DRGX: variants seen among roughly 807,000 people sequenced by gnomAD.
The protein encoded by DRGX is dorsal root ganglia homeobox.
Under a neutral mutation model 28.6 loss-of-function variants are expected in DRGX, and 21 were observed. The observed-to-expected ratio is 0.73, with a 90% CI of 0.52 to 1.06. The LOEUF (loss-of-function observed/expected upper bound fraction) is 1.06, where lower values mean the gene tolerates loss of function less well. Among genes scored for constraint, DRGX ranks in the 50% least tolerant of loss-of-function variants. The pLI, the probability that DRGX is intolerant of heterozygous loss-of-function variation, is 0.00. For missense variants in DRGX, 354 were observed against 343.9 expected (o/e 1.03, Z -0.23); for synonymous variants, 136 against 139.1 (o/e 0.98, Z 0.16).
chr10:49,382,780 T>C (rs925936984), intron 6 of DRGX, among the ~76,000 whole-genome samples: 1 of 152,190 alleles, frequency 6.6e-6, no homozygotes, highest in African/African-American at 2.4e-5. Flanking sequence ...GCTTTGCCTA[T>C]GCCATTCCCT....
intron 4 of DRGX, 27 bp from the exon 5 acceptor site, chr10:49,386,885 C>T: frequency 6.6e-7 from 1 of 1,517,298 alleles, no homozygotes; most frequent in Non-Finnish European, 8.8e-7. Flanking sequence ...AACATACACC[C>T]AGTGAAAATC....
chr10:49,376,149 A>G (rs989116867), intron 6 of DRGX, among the ~76,000 whole-genome samples: 21 of 152,270 alleles, frequency 1.4e-4, no homozygotes, highest in African/African-American at 4.8e-4. Context: ...GTGACCTTGG[A>G]CAGTTCTATC....
At chr10:49,385,976 T>C (rs1022416357) in intron 6 of DRGX, among the ~76,000 whole-genome samples, 2 of 151,328 alleles carry the variant, frequency 1.3e-5, no homozygotes, top group African/African-American at 4.9e-5. Flanking sequence ...CCCCTAACGA[T>C]TTCTATCCTT....
intron 6 of DRGX, among the ~76,000 whole-genome samples, chr10:49,375,238 T>A (rs936511832): frequency 4.6e-5 from 7 of 152,224 alleles, no homozygotes; most frequent in African/African-American, 1.4e-4. Context: ...TTTGTTTTTG[T>A]ACACACCTCA....
At chr10:49,395,605 C>T (rs11101118) in intron 1 of DRGX, 84 bp from the exon 2 acceptor site, 15,198 of 777,480 alleles carry the variant, frequency 0.02, 216 homozygotes, top group Non-Finnish European at 0.026. Flanking sequence ...GCGCTCCCCT[C>T]CTGGAAAGTC....
At chr10:49,393,026 C>A (rs1849926857) in intron 2 of DRGX, among the ~76,000 whole-genome samples, 1 of 151,472 alleles carries the variant, frequency 6.6e-6, no homozygotes, top group South Asian at 2.1e-4. Context: ...CAACATCCAT[C>A]AAAAATGTAA....
At chr10:49,390,587 G>A (rs200483450) in intron 3 of DRGX, among the ~76,000 whole-genome samples, 3 of 152,292 alleles carry the variant, frequency 2.0e-5, no homozygotes, top group East Asian at 3.9e-4. Flanking sequence ...ACCATAGGAA[G>A]CCAGGGAACA....
intron 2 of DRGX, among the ~76,000 whole-genome samples, chr10:49,394,711 G>T (rs1277588457): frequency 6.6e-6 from 1 of 152,244 alleles, no homozygotes; most frequent in Non-Finnish European, 1.5e-5. Context: ...CCAGACTGGG[G>T]ATCCTGAGGG....
chr10:49,388,735 T>C (rs988307211), intron 4 of DRGX, among the ~76,000 whole-genome samples: 1 of 152,230 alleles, frequency 6.6e-6, no homozygotes, highest in Non-Finnish European at 1.5e-5. Context: ...TAGTTATTGT[T>C]TGACAACATC....
intron 6 of DRGX, among the ~76,000 whole-genome samples, chr10:49,382,063 G>T (rs115279433): frequency 2.4e-3 from 363 of 152,224 alleles, no homozygotes; most frequent in African/African-American, 8.1e-3. Flanking sequence ...GGCAAGTCCA[G>T]CCCCTCCCCC....
rs752155514 is a variant in DRGX at position 49,386,824 on chromosome 10, T to C, written c.269A>G (p.Lys90Arg). Residue 90 changes from lysine (K) to arginine (R), a missense_variant, in exon 5 of 7, where the codon AAG (lysine) becomes AGG (arginine). Physicochemically the swap from Lys to Arg is conservative, Grantham distance 26. Transcript: ENST00000374139. ...CTGGTCTGAGGCCCCTCTCTCTGTC[T>C]TCCTCCATTTGGCCCTTCTGTTCTG... ...WFQNRRAKWR[K>R]TERGASDQEP... The C allele has an allele frequency of 5.0e-6, 8 of 1,586,982 alleles. No homozygotes were observed. Among genetic ancestry groups the C allele is most frequent in the Non-Finnish European group, 6.8e-6 (8 of 1,169,724 alleles).
At chr10:49,383,051 G>A (rs10857480) in intron 6 of DRGX, among the ~76,000 whole-genome samples, 15,152 of 152,094 alleles carry the variant, frequency 0.1, 956 homozygotes, top group Admixed American at 0.14. Context: ...GCAAGGCAGG[G>A]CTGACCTGCT....
At chr10:49,377,219 C>T (rs1244984209) in intron 6 of DRGX, among the ~76,000 whole-genome samples, 1 of 152,252 alleles carries the variant, frequency 6.6e-6, no homozygotes, top group Non-Finnish European at 1.5e-5. Flanking sequence ...AACTGCATTA[C>T]ATTTTACTCT....
In DRGX at chr10:49,368,754, C is replaced by G. The variant is rs79147685; in HGVS notation, c.527-2373G>C. Among the ~76,000 whole-genome samples the G allele has an allele frequency of 5.4e-4, 83 of 152,320 alleles. 3 individuals carry two copies. In the East Asian group the frequency reaches 0.015, roughly 27 times the overall value. ...AGGGTATGCTGTAGATTTGTGTTTTCCTCTCTATATCTATTTAGAATTTTT... is the reference window on the plus strand; with the variant it reads ...AGGGTATGCTGTAGATTTGTGTTTTGCTCTCTATATCTATTTAGAATTTTT... On this transcript the variant is annotated intron_variant, in intron 6 of 6. Coordinates refer to ENST00000374139, the MANE Select transcript of DRGX (RefSeq NM_001276451.2).
At chr10:49,391,710 A>T (rs931194321) in intron 2 of DRGX, 1 of 457,936 alleles carries the variant, frequency 2.2e-6, no homozygotes, top group Non-Finnish European at 4.4e-6. Flanking sequence ...TATTAACAAG[A>T]ATTAAAATCT....
At chr10:49,390,066 C>A in intron 4 of DRGX, 67 bp downstream of exon 4, 1 of 1,470,522 alleles carries the variant, frequency 6.8e-7, no homozygotes, top group South Asian at 1.3e-5. Flanking sequence ...ACTCTGCAGT[C>A]ATGATGTCAA....
At chr10:49,381,250 G>C (rs1490799512) in intron 6 of DRGX, among the ~76,000 whole-genome samples, 1 of 152,234 alleles carries the variant, frequency 6.6e-6, no homozygotes, top group Non-Finnish European at 1.5e-5. Context: ...GGGGCAGCCC[G>C]AGGGCCATCC....
At position 49,375,581 on chromosome 10, in the gene DRGX, C is replaced by A. The variant is rs554060582; in HGVS notation, c.527-9200G>T. ...AATCCCACCCGTCCCTTAATTTCAC[C>A]TATTACATGTAAGGCCTCTGTTTCG... On this transcript the variant is annotated intron_variant, in intron 6 of 6. Coordinates refer to ENST00000374139, the MANE Select transcript of DRGX (RefSeq NM_001276451.2). Among the ~76,000 whole-genome samples, 19 of 152,292 alleles carry A rather than the reference C, an allele frequency of 1.2e-4. 2 individuals carry two copies. The Middle Eastern group carries it at 0.017, about 136-fold the overall frequency.
rs1849598087 is a variant in DRGX at position 49,366,209 on chromosome 10, G to A, written c.699C>T (p.Ser233=). ...SANLLPSTSS[S]PGPVAKPAPP... is the part of the protein sequence containing the mutation. Reference sequence around the variant, plus strand: ...GCGCCGGCTTGGCGACAGGGCCGGGGCTGCTGCTGGTGGAAGGCAGGAGGT... The same window carrying A: ...GCGCCGGCTTGGCGACAGGGCCGGGACTGCTGCTGGTGGAAGGCAGGAGGT... The change falls in exon 7 of 7, where the codon AGC becomes AGT. Residue 233 remains serine (S), a synonymous_variant. Coordinates refer to ENST00000374139, the MANE Select transcript of DRGX (RefSeq NM_001276451.2). 1.2e-6 allele frequency: 2 copies of A among 1,613,776 alleles called. No individual in the cohort carries two copies. The highest frequency in any genetic ancestry group is 1.7e-6 in the Non-Finnish European group (2 of 1,179,838).
Sources: allele counts gnomAD v4.1 joint callset (sites outside exome capture counted in the v4.1 genomes callset), GRCh38; gene constraint gnomAD v4.1.1; transcripts MANE v1.5; gene names NCBI Gene and HGNC (gene_info 2026-07-23, HGNC 2026-07-21).